Variants in NOS1 observed in about 807,000 individuals in gnomAD.
NOS1 encodes nitric oxide synthase 1.
A neutral mutation model predicts 164.5 loss-of-function variants in NOS1; 51 were observed. The ratio of observed to expected loss-of-function variants is 0.31; its 90% CI spans 0.25 to 0.39. The LOEUF (loss-of-function observed/expected upper bound fraction) is 0.39, where lower values mean the gene tolerates loss of function less well. Among genes scored for constraint, NOS1 ranks in the 10% least tolerant of loss-of-function variants. NOS1 has a pLI of 1.00. For synonymous variants in NOS1, 719 were observed against 745.8 expected, an observed-to-expected ratio of 0.96 and a Z score of 0.59; for missense variants, 1,362 against 1,885.6, an observed-to-expected ratio of 0.72 and a Z score of 5.14.
rs1279597699 is a variant in NOS1, at chr12:117,211,593, C to T, written c.*3716G>A. 1.0e-6 allele frequency: 1 copy of T among 985,572 alleles called. No individual in the cohort carries two copies. Among genetic ancestry groups the T allele is most frequent in the African/African-American group, 1.7e-5 (1 of 57,238 alleles). The allele number at this position is 985,572 out of a possible 1,614,324, so 61.1% of individuals were successfully genotyped here. On this transcript the variant is annotated 3_prime_UTR_variant, in exon 29 of 29. Coordinates refer to ENST00000317775, the MANE Select transcript of NOS1 (RefSeq NM_000620.5). ...GTCCCAGCCCACCTTTTCTCACCCT[C>T]CTCAGCCTTCCAAAGCCAGCCTCAA...
chr12:117,214,686 A>G lies in NOS1; in HGVS notation c.*623T>C, dbSNP rs1321149156. The G allele has an allele frequency of 6.1e-6, 6 of 985,258 alleles. No individual in the cohort carries two copies. The East Asian group carries it at 3.4e-4, about 56-fold the overall frequency. The allele number at this position is 985,258 out of a possible 1,614,324, so 61.0% of individuals were successfully genotyped here. A position where few individuals can be genotyped will look rare whatever the true frequency, so the allele number is the denominator to read the frequency against. On this transcript the variant is annotated 3_prime_UTR_variant, in exon 29 of 29. Transcript: ENST00000317775. ...TGGGGCTTCCAAATGTTTCAGGTAC[A>G]TGGGCGTGGACCCTAATTATGGACA...
chr12:117,210,139 A>ATTTT lies in NOS1; in HGVS notation c.*5166_*5169dup. On this transcript the variant is annotated 3_prime_UTR_variant, in exon 29 of 29. Coordinates refer to ENST00000317775, the MANE Select transcript of NOS1 (RefSeq NM_000620.5). ...AGGAGCATGCCATCATGCCCAGCTA[A>ATTTT]TTTTTTTTTTTTTTTTTTTTTAGTA... 16 of 290,130 alleles carry ATTTT rather than the reference A, an allele frequency of 5.5e-5. No homozygotes were observed. The highest frequency in any genetic ancestry group is 1.4e-4 in the South Asian group (1 of 7,346). 18.0% of individuals were successfully genotyped at this position (290,130 alleles called of 1,614,324 possible).
Position 117,268,058 on chromosome 12 carries a change from A to G in NOS1, c.1926T>C (p.Val642=). 6.2e-7 allele frequency: 1 copy of G among 1,613,244 alleles called. No individual in the cohort carries two copies. Among genetic ancestry groups the G allele is most frequent in the East Asian group, 2.2e-5 (1 of 44,858 alleles). The change falls in exon 11 of 29, where the codon GTT becomes GTC. Residue 642 remains valine (V), a synonymous_variant. Transcript: ENST00000317775. ...CTGGTGTTACCTGGAAGCTATAGAG[A>G]ACCGCGATATTGATCTCCACCAGCG... ...DQALVEINIA[V]LYSFQSDKVT...
chr12:117,239,079 C>T (rs541563846), intron 20 of NOS1, among the ~76,000 whole-genome samples: 97 of 152,126 alleles, frequency 6.4e-4, no homozygotes, highest in African/African-American at 2.2e-3. Flanking sequence ...ATGACCCAGG[C>T]GAGGGAGAGA....
Position 117,234,459 on chromosome 12 carries a change from A to G in NOS1, c.3235+106T>C. On this transcript the variant is annotated intron_variant, in intron 21 of 28. Transcript: ENST00000317775. The surrounding 1 kb of genome is among the most constrained non-coding windows in gnomAD (Gnocchi z 4.3). Reference sequence around the variant, plus strand: ...CATAGGCTGTTAGCAACAGACACCCACTCTCCTGCCTGGACTGGTGATTGG... The same window carrying G: ...CATAGGCTGTTAGCAACAGACACCCGCTCTCCTGCCTGGACTGGTGATTGG... 4.2e-6 allele frequency: 5 copies of G among 1,190,974 alleles called. No homozygotes were observed. Among genetic ancestry groups the G allele is most frequent in the Non-Finnish European group, 5.9e-6 (5 of 846,220 alleles). The allele number at this position is 1,190,974 out of a possible 1,614,324, so 73.8% of individuals were successfully genotyped here. A position where few individuals can be genotyped will look rare whatever the true frequency, so the allele number is the denominator to read the frequency against.
chr12:117,311,722 G>C (rs549948793), intron 2 of NOS1, 130 bp from the exon 3 acceptor site: 8 of 980,894 alleles, frequency 8.2e-6, no homozygotes, highest in Non-Finnish European at 1.1e-5. Context: ...GAGCCAGCGA[G>C]CTTTGGGTAC....
intron 18 of NOS1, among the ~76,000 whole-genome samples, chr12:117,244,810 ATAT>A (rs1194667132): frequency 6.6e-6 from 1 of 152,190 alleles, no homozygotes; most frequent in Non-Finnish European, 1.5e-5. Flanking sequence ...AAAAGACCAC[ATAT>A]TATATGATTC....
intron 1 of NOS1, among the ~76,000 whole-genome samples, chr12:117,334,749 C>T (rs1875724286): frequency 6.6e-6 from 1 of 152,196 alleles, no homozygotes; most frequent in African/African-American, 2.4e-5. Flanking sequence ...TCCTTTTCCT[C>T]CTGCAAAACA....
intron 23 of NOS1, among the ~76,000 whole-genome samples, chr12:117,227,101 G>A (rs1868759564): frequency 6.6e-6 from 1 of 152,162 alleles, no homozygotes; most frequent in African/African-American, 2.4e-5. Context: ...GGCAGAGCTT[G>A]GGTTATCTGA....
At chr12:117,336,148 C>A (rs960385758) in intron 1 of NOS1, among the ~76,000 whole-genome samples, 2 of 152,190 alleles carry the variant, frequency 1.3e-5, no homozygotes, top group African/African-American at 4.8e-5. Flanking sequence ...ATGCCTCCCT[C>A]CTTTTCCTCC....
intron 9 of NOS1, among the ~76,000 whole-genome samples, chr12:117,274,040 G>A (rs1872982681): frequency 1.3e-5 from 2 of 152,092 alleles, no homozygotes; most frequent in South Asian, 4.1e-4. Flanking sequence ...CCTAAAGAAT[G>A]GGGGAAAATA....
At chr12:117,259,159 G>T in intron 14 of NOS1, 29 bp from the exon 15 acceptor site, 1 of 1,473,346 alleles carries the variant, frequency 6.8e-7, no homozygotes, top group Non-Finnish European at 9.5e-7. Flanking sequence ...GGTATAGGAT[G>T]GGGAGAGGAA....
In NOS1 at chr12:117,353,222, CATCT is replaced by C. The variant is rs143649352; in HGVS notation, c.-421+8286_-421+8289del. ...ACCTATCATCTGTTATCTATCTATT[CATCT>C]ATCTATCTACCCATCTATCAATCAT... On this transcript the variant is annotated intron_variant, in intron 1 of 28. Coordinates refer to ENST00000317775, the MANE Select transcript of NOS1 (RefSeq NM_000620.5). Among the ~76,000 whole-genome samples, 146 of 152,186 alleles carry C rather than the reference CATCT, an allele frequency of 9.6e-4. 1 individual carries two copies. The East Asian group carries it at 0.013, about 14-fold the overall frequency.
intron 1 of NOS1, among the ~76,000 whole-genome samples, chr12:117,337,113 T>A (rs1593033430): frequency 9.7e-6 from 1 of 103,316 alleles, no homozygotes; most frequent in South Asian, 4.6e-4. Flanking sequence ...ACTCTTTTTT[T>A]TTTTTTTTTT....
rs187573642 is a variant in NOS1, at chr12:117,327,589, G to C, written c.725+2756C>G. Among the ~76,000 whole-genome samples, 281 of 152,290 alleles carry C rather than the reference G, an allele frequency of 1.8e-3. 2 individuals carry two copies. Among genetic ancestry groups the C allele is most frequent in the African/African-American group, 6.4e-3 (267 of 41,558 alleles). On this transcript the variant is annotated intron_variant, in intron 2 of 28. Transcript: ENST00000317775. The stretch of plus-strand genomic sequence containing the variant: ...GGCTTCAAATCTCCCCCAGCCAGCA[G>C]AATCTTGAAGACTAATCCTGGCTAC...
At chr12:117,283,016 C>T (rs1873796548) in intron 7 of NOS1, among the ~76,000 whole-genome samples, 1 of 149,522 alleles carries the variant, frequency 6.7e-6, no homozygotes, top group Non-Finnish European at 1.5e-5. Context: ...CCCCTCTATG[C>T]ACAGATTATT....
intron 3 of NOS1, among the ~76,000 whole-genome samples, chr12:117,307,109 A>G (rs1338220222): frequency 6.6e-6 from 1 of 152,192 alleles, no homozygotes; most frequent in African/African-American, 2.4e-5. Flanking sequence ...CCAGTCTGCC[A>G]TTGCTCAGAT....
rs1877159735 is a variant in NOS1, at chr12:117,361,545, G to T, written c.-454C>A. On this transcript the variant is annotated 5_prime_UTR_variant, in exon 1 of 29. Transcript: ENST00000317775. ...CTCGGCCGCTGCTCGCTGCCCGGCC[G>T]CCCCTCGGAGGAGCCGCGGCGCTAA... 1 of 152,020 alleles carries T rather than the reference G, an allele frequency of 6.6e-6. No homozygotes were observed. Among genetic ancestry groups the T allele is most frequent in the South Asian group, 2.1e-4 (1 of 4,826 alleles). The allele number at this position is 152,020 out of a possible 1,614,324, so 9.4% of individuals were successfully genotyped here. A position where few individuals can be genotyped will look rare whatever the true frequency, so the allele number is the denominator to read the frequency against.
At chr12:117,239,896 C>G (rs1426372809) in intron 20 of NOS1, among the ~76,000 whole-genome samples, 1 of 149,492 alleles carries the variant, frequency 6.7e-6, no homozygotes, top group Non-Finnish European at 1.5e-5. Flanking sequence ...CAGTTCTAAC[C>G]TTGTTTGGAA....
Sources: allele counts gnomAD v4.1 joint callset (sites outside exome capture counted in the v4.1 genomes callset), GRCh38; gene constraint gnomAD v4.1.1; non-coding constraint Gnocchi (gnomAD v3.1); transcripts MANE v1.5; gene names NCBI Gene and HGNC (gene_info 2026-07-23, HGNC 2026-07-21).